The following PRKN variants were observed in gnomAD, a reference collection of about 807,000 sequenced individuals.
The protein encoded by PRKN is E3 ubiquitin-protein ligase parkin.
A neutral mutation model predicts 59.5 loss-of-function variants in PRKN; 56 were observed. The observed-to-expected ratio is 0.94, with a 90% confidence interval of 0.76 to 1.18. The LOEUF (loss-of-function observed/expected upper bound fraction) is 1.18. Among genes scored for constraint, PRKN ranks in the 50% most tolerant of loss-of-function variants. PRKN has a pLI of 0.00. For synonymous variants in PRKN, 250 were observed against 222.1 expected (o/e 1.13, Z -1.12); for missense variants, 657 against 596.4 (o/e 1.10, Z -1.06).
At chr6:161,644,479 A>G (rs1250496863) in intron 7 of PRKN, among the ~76,000 whole-genome samples, 2 of 152,214 alleles carry the variant, frequency 1.3e-5, no homozygotes, top group African/African-American at 4.8e-5. Flanking sequence ...GGTGGTAGAC[A>G]CGTGGATTTC....
intron 7 of PRKN, among the ~76,000 whole-genome samples, chr6:161,739,185 A>T (rs1029343916): frequency 6.6e-6 from 1 of 152,082 alleles, no homozygotes; most frequent in African/African-American, 2.4e-5. Context: ...AGGTGGGAGG[A>T]TCACTTGAGG....
chr6:161,934,712 T>G (rs1779289242), intron 6 of PRKN, among the ~76,000 whole-genome samples: 1 of 152,214 alleles, frequency 6.6e-6, no homozygotes, highest in Non-Finnish European at 1.5e-5. Flanking sequence ...ATTTTAAATA[T>G]ATGTTGTTAC....
chr6:161,757,707 G>A (rs374985403), intron 7 of PRKN, among the ~76,000 whole-genome samples: 39 of 151,720 alleles, frequency 2.6e-4, no homozygotes, highest in African/African-American at 4.8e-4. Context: ...GCATGGTGGC[G>A]TGTGCCTGTA....
intron 4 of PRKN, among the ~76,000 whole-genome samples, chr6:162,126,643 C>T (rs1313669660): frequency 6.6e-6 from 1 of 152,180 alleles, no homozygotes; most frequent in African/African-American, 2.4e-5. Flanking sequence ...AATCCTCCTG[C>T]AGACCAGCTA....
intron 1 of PRKN, among the ~76,000 whole-genome samples, chr6:162,584,179 C>T (rs1343694439): frequency 6.7e-6 from 1 of 148,402 alleles, no homozygotes; most frequent in African/African-American, 2.5e-5. Flanking sequence ...CGTCACTGCA[C>T]TCCAGCCTGG....
intron 8 of PRKN, among the ~76,000 whole-genome samples, chr6:161,565,372 G>A (rs983248617): frequency 2.0e-5 from 3 of 151,976 alleles, no homozygotes; most frequent in Non-Finnish European, 2.9e-5. Flanking sequence ...ATCCTCTCCT[G>A]ACATGGTTTG....
intron 6 of PRKN, among the ~76,000 whole-genome samples, chr6:161,882,655 C>A (rs564026988): frequency 1.8e-4 from 28 of 152,302 alleles, no homozygotes; most frequent in African/African-American, 6.3e-4. Context: ...TGTTTCCTCT[C>A]ATTTCCATAT....
At chr6:162,340,425 C>T (rs1784122207) in intron 2 of PRKN, among the ~76,000 whole-genome samples, 1 of 152,138 alleles carries the variant, frequency 6.6e-6, no homozygotes, top group South Asian at 2.1e-4. Flanking sequence ...TGAAATTCTT[C>T]CTGAATACCA....
At chr6:162,223,947 T>C (rs1459692926) in intron 3 of PRKN, among the ~76,000 whole-genome samples, 1 of 152,142 alleles carries the variant, frequency 6.6e-6, no homozygotes, top group East Asian at 1.9e-4. Flanking sequence ...AATGAAGGAC[T>C]ACAAAGACTG....
intron 7 of PRKN, among the ~76,000 whole-genome samples, chr6:161,633,363 A>G (rs560390776): frequency 6.6e-6 from 1 of 152,348 alleles, no homozygotes; most frequent in South Asian, 2.1e-4. Context: ...ACAATGTTCC[A>G]AAGAGTCTAC....
intron 4 of PRKN, among the ~76,000 whole-genome samples, chr6:162,182,512 G>A (rs1159459922): frequency 6.6e-6 from 1 of 152,158 alleles, no homozygotes; most frequent in African/African-American, 2.4e-5. Context: ...AACCACCTGG[G>A]AAAACATCAC....
chr6:162,480,303 T>A (rs1182107548), intron 1 of PRKN, among the ~76,000 whole-genome samples: 1 of 152,026 alleles, frequency 6.6e-6, no homozygotes, highest in Non-Finnish European at 1.5e-5. Flanking sequence ...TCCATGACAA[T>A]CTTATGGGAC....
At chr6:161,845,332 T>G (rs1583238149) in intron 6 of PRKN, among the ~76,000 whole-genome samples, 1 of 152,210 alleles carries the variant, frequency 6.6e-6, no homozygotes, top group Admixed American at 6.5e-5. Context: ...CATCACTGTC[T>G]TCACGTGGAA....
At chr6:162,556,901 C>T (rs1779630258) in intron 1 of PRKN, among the ~76,000 whole-genome samples, 1 of 152,156 alleles carries the variant, frequency 6.6e-6, no homozygotes, top group Non-Finnish European at 1.5e-5. Context: ...TCTCCTGATG[C>T]TACCTTCACA....
At chr6:162,660,316 C>G (rs539506113) in intron 1 of PRKN, among the ~76,000 whole-genome samples, 1 of 152,050 alleles carries the variant, frequency 6.6e-6, no homozygotes, top group Non-Finnish European at 1.5e-5. Context: ...TGATTCAGTC[C>G]AGCTCCTTAT....
chr6:161,675,922 T>G (rs1582987048), intron 7 of PRKN, among the ~76,000 whole-genome samples: 1 of 152,208 alleles, frequency 6.6e-6, no homozygotes, highest in Non-Finnish European at 1.5e-5. Flanking sequence ...ATGTAAATAG[T>G]GTTTGCAGCA....
At chr6:162,543,733 G>T (rs1285086032) in intron 1 of PRKN, among the ~76,000 whole-genome samples, 8 of 152,118 alleles carry the variant, frequency 5.3e-5, no homozygotes, top group Admixed American at 5.2e-4. Flanking sequence ...CCCTGAGCTT[G>T]TGGTCAACCC....
At chr6:162,317,700 T>C (rs1782809695) in intron 2 of PRKN, among the ~76,000 whole-genome samples, 2 of 151,950 alleles carry the variant, frequency 1.3e-5, no homozygotes, top group Non-Finnish European at 2.9e-5. Flanking sequence ...ATTTCAACTT[T>C]GACATGTGAT....
intron 1 of PRKN, among the ~76,000 whole-genome samples, chr6:162,510,743 G>A (rs1263875480): frequency 1.3e-5 from 2 of 152,082 alleles, no homozygotes; most frequent in Non-Finnish European, 2.9e-5. Flanking sequence ...CCAACGTAGT[G>A]AAACCCTGTA....
Sources: allele counts gnomAD v4.1 joint callset (sites outside exome capture counted in the v4.1 genomes callset), GRCh38; gene constraint gnomAD v4.1.1; transcripts MANE v1.5; gene names NCBI Gene and HGNC (gene_info 2026-07-23, HGNC 2026-07-21).